Variants in GALNT13 observed in about 807,000 individuals in gnomAD.
GALNT13 encodes the protein polypeptide N-acetylgalactosaminyltransferase 13, also known as UDP-GalNAc:polypeptide N-acetylgalactosaminyltransferase 13.
In GALNT13, 28 loss-of-function variants were observed where a neutral mutation model predicts 64.2. The observed-to-expected ratio is 0.44, with a 90% CI of 0.32 to 0.60. The LOEUF (loss-of-function observed/expected upper bound fraction) is 0.60. GALNT13 is among the 20% of genes least tolerant of loss of function. GALNT13 has a pLI of 0.05. For missense variants in GALNT13, 577 were observed against 669.8 expected (o/e 0.86, Z 1.53); for synonymous variants, 214 against 224.6 (o/e 0.95, Z 0.42).
chr2:153,852,279 G>A, the GALNT13 span, among the ~76,000 whole-genome samples: 1 of 152,094 alleles, frequency 6.6e-6, no homozygotes, highest in Non-Finnish European at 1.5e-5. Context: ...ACTGTATACT[G>A]CCTACAAGAA....
the GALNT13 span, among the ~76,000 whole-genome samples, chr2:153,784,241 G>A: frequency 1.3e-5 from 2 of 152,206 alleles, no homozygotes; most frequent in African/African-American, 4.8e-5. Context: ...AGTCCAGGCT[G>A]AGGTGGTCTC....
chr2:153,252,015 T>G, the GALNT13 span, among the ~76,000 whole-genome samples: 1 of 151,664 alleles, frequency 6.6e-6, no homozygotes, highest in African/African-American at 2.4e-5. Flanking sequence ...CAAATGGTAT[T>G]TCTAGTTCTA....
At chr2:153,491,869 C>T in the GALNT13 span, among the ~76,000 whole-genome samples, 2 of 152,174 alleles carry the variant, frequency 1.3e-5, no homozygotes, top group Middle Eastern at 3.4e-3. Context: ...CTGCCTGCCT[C>T]GGCCTCCCAA....
the GALNT13 span, among the ~76,000 whole-genome samples, chr2:153,257,008 T>C: frequency 6.6e-6 from 1 of 152,230 alleles, no homozygotes; most frequent in Non-Finnish European, 1.5e-5. Context: ...CTACTTTGTT[T>C]ACCTAATCAA....
the GALNT13 span, among the ~76,000 whole-genome samples, chr2:153,089,126 G>T: frequency 6.6e-6 from 1 of 152,104 alleles, no homozygotes; most frequent in East Asian, 1.9e-4. Context: ...GTTTTGTTCA[G>T]TATTTACAAC....
chr2:153,175,538 A>T, the GALNT13 span, among the ~76,000 whole-genome samples: 1 of 152,154 alleles, frequency 6.6e-6, no homozygotes, highest in Non-Finnish European at 1.5e-5. Flanking sequence ...CTGTCTTGCT[A>T]TCTAATGCAA....
the GALNT13 span, among the ~76,000 whole-genome samples, chr2:153,739,103 A>G: frequency 6.6e-6 from 1 of 151,956 alleles, no homozygotes; most frequent in Non-Finnish European, 1.5e-5. Flanking sequence ...CTTCACATTT[A>G]TATAACTAAC....
the GALNT13 span, among the ~76,000 whole-genome samples, chr2:153,642,407 A>C: frequency 1.3e-5 from 2 of 151,904 alleles, no homozygotes; most frequent in African/African-American, 4.8e-5. Flanking sequence ...AACAAAGAAT[A>C]AAAATAGAGC....
chr2:153,497,042 C>G, the GALNT13 span, among the ~76,000 whole-genome samples: 1 of 150,688 alleles, frequency 6.6e-6, no homozygotes, highest in African/African-American at 2.4e-5. Context: ...ATGTATCTCT[C>G]ATTAAGACAT....
At chr2:154,441,368 T>G (rs1456816814) in intron 12 of GALNT13, among the ~76,000 whole-genome samples, 1 of 152,144 alleles carries the variant, frequency 6.6e-6, no homozygotes, top group African/African-American at 2.4e-5. Context: ...GCGCACTGCT[T>G]ACTACTTTAA....
the GALNT13 span, among the ~76,000 whole-genome samples, chr2:153,192,033 G>T: frequency 8.6e-5 from 13 of 151,362 alleles, no homozygotes; most frequent in African/African-American, 2.9e-4. Context: ...TGTATTTTTT[G>T]TCTCTATTTA....
the GALNT13 span, among the ~76,000 whole-genome samples, chr2:153,399,643 C>G: frequency 2.0e-5 from 3 of 151,608 alleles, no homozygotes; most frequent in African/African-American, 7.3e-5. Context: ...CCTTCACATC[C>G]CTTGTAAGTT....
intron 6 of GALNT13, 86 bp from the exon 7 acceptor site, chr2:154,245,726 C>A: frequency 3.7e-6 from 3 of 816,474 alleles, no homozygotes; most frequent in Non-Finnish European, 5.7e-6. Flanking sequence ...ATTAAATTTC[C>A]TCATATCAGC....
the GALNT13 span, among the ~76,000 whole-genome samples, chr2:153,691,820 A>G: frequency 6.6e-6 from 1 of 152,136 alleles, no homozygotes; most frequent in African/African-American, 2.4e-5. Flanking sequence ...TTGGGAAACA[A>G]TTTTTGGCAA....
the GALNT13 span, among the ~76,000 whole-genome samples, chr2:153,108,605 A>G: frequency 9.9e-5 from 15 of 152,164 alleles, no homozygotes; most frequent in East Asian, 2.7e-3. Context: ...TCTGAGCCCA[A>G]CTCTGCGAGG....
the GALNT13 span, among the ~76,000 whole-genome samples, chr2:153,274,002 G>T: frequency 6.6e-6 from 1 of 152,092 alleles, no homozygotes; most frequent in African/African-American, 2.4e-5. Context: ...TTCAGCAGAG[G>T]TGTCTCTGGT....
the GALNT13 span, among the ~76,000 whole-genome samples, chr2:153,566,983 G>A: frequency 2.6e-5 from 4 of 152,184 alleles, no homozygotes; most frequent in African/African-American, 7.2e-5. Context: ...CTGGAAAGTG[G>A]AGAAGTGAGA....
the GALNT13 span, among the ~76,000 whole-genome samples, chr2:153,657,439 T>TA: frequency 1.3e-5 from 2 of 152,236 alleles, no homozygotes; most frequent in South Asian, 4.1e-4. Context: ...TTATGTGCCT[T>TA]ACCCACATTT....
intron 4 of GALNT13, among the ~76,000 whole-genome samples, chr2:154,174,178 A>C (rs563614916): frequency 1.3e-5 from 2 of 152,168 alleles, no homozygotes; most frequent in African/African-American, 4.8e-5. Context: ...AAAATTACGC[A>C]GTCTCAACCC....
Sources: gnomAD v4.1 joint callset for allele counts (sites outside exome capture counted in the v4.1 genomes callset) on GRCh38, gnomAD v4.1.1 for gene constraint, MANE v1.5 for transcripts, NCBI Gene and HGNC (gene_info 2026-07-23, HGNC 2026-07-21) for gene names.